OSBP2: variants seen among roughly 807,000 people sequenced by gnomAD.
The protein encoded by OSBP2 is oxysterol binding protein 2, also known as oxysterol-binding protein 2.
OSBP2 carries 66 observed loss-of-function variants against 96.0 expected under a neutral mutation model. That is an observed-to-expected ratio of 0.69 (90% confidence interval 0.56 to 0.84). OSBP2 has a LOEUF of 0.84. Among genes scored for constraint, OSBP2 ranks in the 40% least tolerant of loss-of-function variants. The pLI is 0.00. For synonymous variants in OSBP2, 525 were observed against 520.9 expected (o/e 1.01, Z -0.11); for missense variants, 1,038 against 1,222.7 (o/e 0.85, Z 2.25).
chr22:30,862,595 A>C (rs1031509779), intron 2 of OSBP2, among the ~76,000 whole-genome samples: 15 of 150,566 alleles, frequency 1.0e-4, no homozygotes, highest in Non-Finnish European at 2.1e-4. Context: ...CAGGAGACTC[A>C]CTTGAACCTG....
chr22:30,793,073 T>G (rs1171527376), intron 2 of OSBP2, among the ~76,000 whole-genome samples: 3 of 152,212 alleles, frequency 2.0e-5, no homozygotes, highest in Non-Finnish European at 4.4e-5. Context: ...TAGATTGTAG[T>G]TCAGCTAAAA....
At chr22:30,822,692 T>C in intron 2 of OSBP2, 1 of 1,533,484 alleles carries the variant, frequency 6.5e-7, no homozygotes, top group Non-Finnish European at 8.7e-7. Flanking sequence ...TCCGGCTGCC[T>C]GAATAAATTT....
At chr22:30,780,145 C>T (rs955143122) in intron 2 of OSBP2, among the ~76,000 whole-genome samples, 5 of 152,250 alleles carry the variant, frequency 3.3e-5, no homozygotes, top group African/African-American at 9.6e-5. Flanking sequence ...GGGCCCACAG[C>T]CCCGGGCGAG....
chr22:30,786,798 G>GTGTTTTGTTT (rs955283803), intron 2 of OSBP2, among the ~76,000 whole-genome samples: 5 of 151,916 alleles, frequency 3.3e-5, no homozygotes, highest in African/African-American at 4.8e-5. Flanking sequence ...ATCAGGAAAG[G>GTGTTTTGTTT]TGTTTTGTTT....
Position 30,695,091 on chromosome 22 carries a change from A to G in OSBP2, c.182A>G (p.Glu61Gly). ...KPQPQPVPEP[E>G]RGPLSEQVSE... ...CAGCCCCAGCCCGTGCCCGAACCGG[A>G]GCGGGGACCGCTGTCAGAACAGGTG... Residue 61 changes from glutamate to glycine, a missense_variant, in exon 1 of 14, where the codon GAG becomes GGG. Around this residue, in one of 3 missense-constraint regions of OSBP2, gnomAD observed 281 missense variants for 273.4 expected, o/e 1.03. Transcript: ENST00000332585. 6.3e-7 allele frequency: 1 copy of G among 1,580,264 alleles called. No individual in the cohort carries two copies. The highest frequency in any genetic ancestry group is 2.2e-5 in the East Asian group (1 of 44,462).
At chr22:30,760,905 C>T (rs964395558) in intron 2 of OSBP2, among the ~76,000 whole-genome samples, 1 of 151,860 alleles carries the variant, frequency 6.6e-6, no homozygotes, top group Non-Finnish European at 1.5e-5. Context: ...TCAATTGATA[C>T]AGAAAAAGGC....
intron 1 of OSBP2, among the ~76,000 whole-genome samples, chr22:30,695,909 G>C (rs750294785): frequency 1.3e-5 from 2 of 152,096 alleles, no homozygotes; most frequent in Non-Finnish European, 2.9e-5. Context: ...TTTCTGGTTC[G>C]GGAGCTAACA....
chr22:30,792,973 G>A (rs1429677054), intron 2 of OSBP2, among the ~76,000 whole-genome samples: 1 of 152,202 alleles, frequency 6.6e-6, no homozygotes, highest in Non-Finnish European at 1.5e-5. Flanking sequence ...AAATGGCAGA[G>A]CCTGGATTTT....
intron 2 of OSBP2, among the ~76,000 whole-genome samples, chr22:30,840,609 A>C (rs969231776): frequency 1.3e-5 from 2 of 152,218 alleles, no homozygotes; most frequent in Non-Finnish European, 1.5e-5. Flanking sequence ...CCTATGTCTT[A>C]TCTGTAAGAT....
intron 2 of OSBP2, among the ~76,000 whole-genome samples, chr22:30,811,332 T>TTTTATTTA (rs141199866): frequency 1.6e-4 from 22 of 138,142 alleles, no homozygotes; most frequent in Non-Finnish European, 3.1e-4. Context: ...TTTTTATTTA[T>TTTTATTTA]TTTATTTATT....
intron 2 of OSBP2, among the ~76,000 whole-genome samples, chr22:30,845,122 A>G (rs1379767361): frequency 6.6e-6 from 1 of 152,216 alleles, no homozygotes; most frequent in East Asian, 1.9e-4. Context: ...ACAGATCATC[A>G]TAACAGATAT....
chr22:30,768,447 C>T (rs560469706), intron 2 of OSBP2, among the ~76,000 whole-genome samples: 3 of 152,052 alleles, frequency 2.0e-5, no homozygotes, highest in South Asian at 2.1e-4. Flanking sequence ...GAGGCCGAGG[C>T]GGGCAGATCA....
At position 30,759,297 on chromosome 22, in the gene OSBP2, G is replaced by A. The variant is rs142434609; in HGVS notation, c.853+17928G>A. ...TGGGAGGCAGAGCTTGCAGTGAGCC[G>A]AGATTGCACCACTGCACTCCAGAGC... is the stretch of plus-strand genomic sequence containing the variant. On this transcript the variant is annotated intron_variant, in intron 2 of 13. Coordinates refer to ENST00000332585, the MANE Select transcript of OSBP2 (RefSeq NM_030758.4). Among the ~76,000 whole-genome samples the A allele has an allele frequency of 6.0e-3, 920 of 152,266 alleles. 8 individuals carry two copies. Among genetic ancestry groups the A allele is most frequent in the African/African-American group, 0.021 (867 of 41,558 alleles).
intron 12 of OSBP2, among the ~76,000 whole-genome samples, chr22:30,899,557 G>C (rs1381198035): frequency 1.3e-5 from 2 of 152,028 alleles, no homozygotes; most frequent in Non-Finnish European, 2.9e-5. Context: ...TATTTTTTCA[G>C]AAACATATTA....
At chr22:30,824,905 G>A (rs1031695693) in intron 2 of OSBP2, among the ~76,000 whole-genome samples, 1 of 152,192 alleles carries the variant, frequency 6.6e-6, no homozygotes, top group Admixed American at 6.5e-5. Flanking sequence ...TGGAGGTCCC[G>A]TGGTATAGCT....
chr22:30,893,335 A>G, intron 9 of OSBP2, 93 bp downstream of exon 9: 1 of 1,572,002 alleles, frequency 6.4e-7, no homozygotes, highest in Non-Finnish European at 8.7e-7. Context: ...GGGGCTTCCA[A>G]GGGAGACCTC....
At chr22:30,717,093 TGTGTGTGTG>T (rs2089473042) in intron 1 of OSBP2, among the ~76,000 whole-genome samples, 16 of 107,836 alleles carry the variant, frequency 1.5e-4, no homozygotes, top group Admixed American at 8.4e-4. Context: ...ACTGTTTTTG[TGTGTGTGTG>T]TGTGTGTGTG....
chr22:30,728,797 G>A (rs1158185222), intron 1 of OSBP2, among the ~76,000 whole-genome samples: 3 of 152,068 alleles, frequency 2.0e-5, no homozygotes, highest in Admixed American at 1.3e-4. Context: ...GCCTCTTCCA[G>A]GTTCTTATAT....
At chr22:30,828,430 T>A (rs1424641836) in intron 2 of OSBP2, among the ~76,000 whole-genome samples, 1 of 152,158 alleles carries the variant, frequency 6.6e-6, no homozygotes, top group African/African-American at 2.4e-5. Flanking sequence ...TGCACGCTGA[T>A]CCCTTCCCAT....
Sources: allele counts gnomAD v4.1 joint callset (sites outside exome capture counted in the v4.1 genomes callset), GRCh38; gene constraint gnomAD v4.1.1; regional missense constraint gnomAD v4.1.1; transcripts MANE v1.5; gene names NCBI Gene and HGNC (gene_info 2026-07-23, HGNC 2026-07-21).